The following NAALADL2 variants were observed in gnomAD, a reference collection of about 807,000 sequenced individuals.
The protein encoded by NAALADL2 is inactive N-acetylated-alpha-linked acidic dipeptidase-like protein 2.
NAALADL2 carries 76 observed loss-of-function variants against 87.2 expected under a neutral mutation model. The ratio of observed to expected loss-of-function variants is 0.87; its 90% confidence interval spans 0.72 to 1.05. The LOEUF is 1.05. NAALADL2 is among the 50% of genes least tolerant of loss of function. The probability of loss-of-function intolerance (pLI) is 0.00; values close to 1 mark genes in which losing one functional copy is unlikely to be tolerated. For synonymous variants in NAALADL2, 354 were observed against 331.0 expected, an observed-to-expected ratio of 1.07 and a Z score of -0.75; for missense variants, 1,089 against 945.8, an observed-to-expected ratio of 1.15 and a Z score of -1.99.
chr3:174,497,467 T>TAGA (rs1718617010), intron 1 of NAALADL2, among the ~76,000 whole-genome samples: 1 of 121,162 alleles, frequency 8.3e-6, no homozygotes, highest in Non-Finnish European at 1.7e-5. Context: ...GATCTCTATT[T>TAGA]AAAAAGAAGA....
intron 5 of NAALADL2, among the ~76,000 whole-genome samples, chr3:175,413,556 C>T (rs1315962467): frequency 3.3e-5 from 3 of 90,070 alleles, no homozygotes; most frequent in Non-Finnish European, 6.4e-5. Flanking sequence ...GGCGACAGAG[C>T]GAGACTCCAT....
chr3:175,281,851 C>A (rs941272137), intron 4 of NAALADL2, among the ~76,000 whole-genome samples: 1 of 151,918 alleles, frequency 6.6e-6, no homozygotes, highest in Non-Finnish European at 1.5e-5. Context: ...GAATGCTCAA[C>A]TTCTTCTCTG....
intron 4 of NAALADL2, among the ~76,000 whole-genome samples, chr3:175,258,969 G>A (rs774443403): frequency 1.3e-5 from 2 of 152,150 alleles, no homozygotes; most frequent in African/African-American, 2.4e-5. Flanking sequence ...CTGCCTTCAC[G>A]CCTGTACTGA....
intron 5 of NAALADL2, chr3:175,397,441 A>G (rs1256188171): frequency 1.3e-5 from 2 of 152,118 alleles, no homozygotes; most frequent in African/African-American, 4.8e-5. Flanking sequence ...TTTGCCCACA[A>G]TCCATAGCCA....
At chr3:175,077,218 A>G (rs1305958958) in intron 1 of NAALADL2, among the ~76,000 whole-genome samples, 2 of 152,204 alleles carry the variant, frequency 1.3e-5, no homozygotes, top group Non-Finnish European at 2.9e-5. Context: ...ATGAGCATTT[A>G]TTTCAGCTTA....
chr3:175,717,367 C>A (rs767469447), intron 11 of NAALADL2, among the ~76,000 whole-genome samples: 1 of 152,046 alleles, frequency 6.6e-6, no homozygotes, highest in Non-Finnish European at 1.5e-5. Context: ...TAGAACAAGT[C>A]ACAAGATTTT....
chr3:174,609,323 G>A lies in NAALADL2; in HGVS notation c.-115+58686G>A, dbSNP rs867052072. 2.1e-4 allele frequency among the ~76,000 whole-genome samples: 32 copies of A among 152,118 alleles called. 1 individual carries two copies. Among genetic ancestry groups the A allele is most frequent in the African/African-American group, 7.5e-4 (31 of 41,486 alleles). On this transcript the variant is annotated intron_variant, in intron 2 of 3. Transcript: ENST00000434257. ...TGGAAGTTCTGGCCAGGGCAATTAC[G>A]CAGGAGAAGGAAATAAAGCGTATCC...
chr3:175,386,272 G>A (rs2149002308), intron 5 of NAALADL2, among the ~76,000 whole-genome samples: 1 of 151,066 alleles, frequency 6.6e-6, no homozygotes, highest in South Asian at 2.1e-4. Flanking sequence ...GTCCTCCTCT[G>A]AGATTTATTT....
At chr3:175,728,889 G>A (rs1041137422) in intron 11 of NAALADL2, among the ~76,000 whole-genome samples, 11 of 152,026 alleles carry the variant, frequency 7.2e-5, no homozygotes, top group African/African-American at 1.9e-4. Context: ...CAGTCACACC[G>A]GTTTCTTGTT....
chr3:175,340,799 G>T (rs761211871), intron 5 of NAALADL2, among the ~76,000 whole-genome samples: 3 of 152,072 alleles, frequency 2.0e-5, no homozygotes, highest in Non-Finnish European at 4.4e-5. Context: ...TTTCTCAAAT[G>T]ACCATAAGAG....
At chr3:174,995,313 G>A (rs550894086) in intron 1 of NAALADL2, among the ~76,000 whole-genome samples, 10 of 152,072 alleles carry the variant, frequency 6.6e-5, no homozygotes, top group Admixed American at 4.6e-4. Context: ...ATGCTGTAAT[G>A]GAAATAATTT....
chr3:175,518,265 G>C (rs1451304546), intron 9 of NAALADL2, among the ~76,000 whole-genome samples: 1 of 152,120 alleles, frequency 6.6e-6, no homozygotes, highest in African/African-American at 2.4e-5. Flanking sequence ...CTTAATTCCT[G>C]TATCAGTAGG....
chr3:175,499,068 T>G (rs772157479), intron 9 of NAALADL2, among the ~76,000 whole-genome samples: 1 of 152,128 alleles, frequency 6.6e-6, no homozygotes, highest in Non-Finnish European at 1.5e-5. Flanking sequence ...ATACTTATTA[T>G]GCATTTTCTT....
At chr3:175,473,562 A>G (rs181238051) in intron 9 of NAALADL2, among the ~76,000 whole-genome samples, 55 of 151,758 alleles carry the variant, frequency 3.6e-4, no homozygotes, top group African/African-American at 1.3e-3. Flanking sequence ...ATGAATATAA[A>G]TAACTTAATA....
chr3:174,505,653 G>A (rs1719154816), intron 1 of NAALADL2, among the ~76,000 whole-genome samples: 1 of 152,164 alleles, frequency 6.6e-6, no homozygotes, highest in African/African-American at 2.4e-5. Context: ...AGGTCCTTAA[G>A]TAGCATTTCA....
chr3:174,523,859 G>A (rs970063334), intron 1 of NAALADL2, among the ~76,000 whole-genome samples: 8 of 152,024 alleles, frequency 5.3e-5, no homozygotes, highest in Admixed American at 1.3e-4. Context: ...TAATCATATG[G>A]TTGTATAACA....
At chr3:174,787,251 A>C in intron 3 of NAALADL2, among the ~76,000 whole-genome samples, 1 of 151,908 alleles carries the variant, frequency 6.6e-6, no homozygotes, top group Non-Finnish European at 1.5e-5. Flanking sequence ...ATATTTCACA[A>C]GTTAAGGAAA....
chr3:175,685,968 G>A (rs1736236158), intron 11 of NAALADL2, among the ~76,000 whole-genome samples: 1 of 152,132 alleles, frequency 6.6e-6, no homozygotes, highest in Non-Finnish European at 1.5e-5. Flanking sequence ...CTGTGACCCA[G>A]TCAATTTGAC....
intron 3 of NAALADL2, among the ~76,000 whole-genome samples, chr3:174,822,550 T>C (rs1721545820): frequency 6.6e-6 from 1 of 152,146 alleles, no homozygotes. Flanking sequence ...GATGGATAAC[T>C]GGACTTGGGA....
Sources: gnomAD v4.1 joint callset for allele counts (sites outside exome capture counted in the v4.1 genomes callset) on GRCh38, gnomAD v4.1.1 for gene constraint, MANE v1.5 for transcripts, NCBI Gene and HGNC (gene_info 2026-07-23, HGNC 2026-07-21) for gene names.